Variants in GSR observed in about 807,000 individuals in gnomAD.
GSR encodes glutathione reductase, mitochondrial.
GSR carries 48 observed loss-of-function variants against 56.5 expected under a neutral mutation model. The observed-to-expected ratio is 0.85, with a 90% CI of 0.67 to 1.08. The LOEUF (loss-of-function observed/expected upper bound fraction) is 1.08, where lower values mean the gene tolerates loss of function less well. Ranked by LOEUF, GSR falls within the 50% of genes least tolerant of loss-of-function variation. GSR has a pLI of 0.00. For synonymous variants in GSR, 264 were observed against 270.8 expected (o/e 0.97, Z 0.25); for missense variants, 694 against 703.3 (o/e 0.99, Z 0.15).
At chr8:30,696,748 T>C (rs779004942) in intron 6 of GSR, among the ~76,000 whole-genome samples, 1 of 151,814 alleles carries the variant, frequency 6.6e-6, no homozygotes, top group East Asian at 1.9e-4. Context: ...CAGGCTGGAG[T>C]GTAGTGGTGT....
intron 6 of GSR, among the ~76,000 whole-genome samples, chr8:30,697,865 T>G (rs1803604193): frequency 6.6e-6 from 1 of 152,132 alleles, no homozygotes; most frequent in African/African-American, 2.4e-5. Flanking sequence ...ATTTTTGTAT[T>G]TTTTTTGCAG....
chr8:30,681,154 C>G, intron 11 of GSR, 117 bp from the exon 12 acceptor site: 1 of 843,880 alleles, frequency 1.2e-6, no homozygotes, highest in Non-Finnish European at 2.0e-6. Context: ...AAATATCAAA[C>G]CACGCCAAAA....
intron 4 of GSR, among the ~76,000 whole-genome samples, chr8:30,705,821 A>G (rs1038895735): frequency 4.6e-5 from 7 of 152,184 alleles, no homozygotes; most frequent in Non-Finnish European, 1.0e-4. Flanking sequence ...TCCTGTGCTT[A>G]AGGACTGCAG....
At chr8:30,681,236 G>A (rs577888235) in intron 11 of GSR, among the ~76,000 whole-genome samples, 199 bp from the exon 12 acceptor site, 1 of 152,218 alleles carries the variant, frequency 6.6e-6, no homozygotes, top group African/African-American at 2.4e-5. Context: ...TCTGCCTCTA[G>A]ATGAAAAGAA....
chr8:30,687,176 C>T (rs1167639745), intron 9 of GSR, among the ~76,000 whole-genome samples: 1 of 152,042 alleles, frequency 6.6e-6, no homozygotes, highest in African/African-American at 2.4e-5. Context: ...ATTAATTTTA[C>T]TAAATGTCAT....
intron 1 of GSR, 120 bp downstream of exon 1, chr8:30,727,410 G>A (rs1221631112): frequency 1.7e-5 from 17 of 989,398 alleles, no homozygotes; most frequent in East Asian, 3.1e-5. Context: ...AGTTGCGGGG[G>A]TGGAAAAGAG....
At chr8:30,699,957 A>C in intron 6 of GSR, 124 bp downstream of exon 6, 1 of 782,286 alleles carries the variant, frequency 1.3e-6, no homozygotes, top group Non-Finnish European at 2.4e-6. Context: ...ATGAAAAGAG[A>C]AGCTGTAAGA....
At chr8:30,723,691 C>T (rs987278764) in intron 1 of GSR, among the ~76,000 whole-genome samples, 1 of 151,608 alleles carries the variant, frequency 6.6e-6, no homozygotes, top group Non-Finnish European at 1.5e-5. Context: ...ACTTACGAGG[C>T]TGAGGCACAT....
In GSR at chr8:30,696,452, G is replaced by A. The variant is rs1468405019; in HGVS notation, c.723C>T (p.Tyr241=). The part of the protein sequence containing the change: ...PGRSVIVGAG[Y]IAVEMAGILS... ...GGATCCCTGCCATCTCCACAGCAAT[G>A]TAACCTGCACCAACAATGACGCTGC... The change falls in exon 7 of 13, where the codon TAC becomes TAT. Residue 241 remains tyrosine (Y), a synonymous_variant. Transcript: ENST00000221130. 3 of 1,613,034 alleles carry A rather than the reference G, an allele frequency of 1.9e-6. No individual in the cohort carries two copies. The highest frequency in any genetic ancestry group is 1.1e-5 in the South Asian group (1 of 91,066).
chr8:30,688,261 G>A (rs1473759165), intron 9 of GSR, among the ~76,000 whole-genome samples: 3 of 152,160 alleles, frequency 2.0e-5, no homozygotes, highest in Non-Finnish European at 1.5e-5. Flanking sequence ...CTGTAAGAGG[G>A]AGGCCAATAG....
chr8:30,681,837 A>G, intron 11 of GSR, 93 bp downstream of exon 11: 1 of 1,183,370 alleles, frequency 8.5e-7, no homozygotes, highest in African/African-American at 1.5e-5. Flanking sequence ...GGGCTGAGAT[A>G]GGTTTCATCA....
intron 9 of GSR, among the ~76,000 whole-genome samples, chr8:30,685,985 CAAAAAAAAAAAAA>C (rs71206274): frequency 1.6e-4 from 6 of 37,238 alleles, no homozygotes; most frequent in East Asian, 2.5e-3. Flanking sequence ...GACTCTGCCT[CAAAAAAAAAAAAA>C]AAAAAAAAAA....
chr8:30,680,381 GTTTTTTTTTT>G (rs34342136), intron 12 of GSR, among the ~76,000 whole-genome samples: 2 of 33,378 alleles, frequency 6.0e-5, no homozygotes. Flanking sequence ...GGCCTCTCCT[GTTTTTTTTTT>G]TTTTTTTTTT....
Position 30,693,104 on chromosome 8 carries a change from C to A in GSR, c.796-49G>T, listed in dbSNP as rs376203608. 8.0e-6 allele frequency: 9 copies of A among 1,120,914 alleles called. No homozygotes were observed. In the African/African-American group the frequency reaches 1.4e-4, roughly 17 times the overall value. The allele number at this position is 1,120,914 out of a possible 1,614,324, so 69.4% of individuals were successfully genotyped here. On this transcript the variant is annotated intron_variant, in intron 7 of 12. Coordinates refer to ENST00000221130, the MANE Select transcript of GSR (RefSeq NM_000637.5). ...TAATGCGAGAGGAAGAAAACTTGAG[C>A]AAAGACACACCACAAACTTGGGAGG... is the stretch of plus-strand genomic sequence containing the variant.
chr8:30,695,176 C>T (rs58105932), intron 7 of GSR, among the ~76,000 whole-genome samples: 7,776 of 152,144 alleles, frequency 0.051, 626 homozygotes, highest in African/African-American at 0.17. Flanking sequence ...GAATGTGGCC[C>T]AACACAAATT....
In GSR at chr8:30,683,938, T is replaced by C. The variant is rs569172305; in HGVS notation, c.1153+150A>G. ...CAGATAATGTCAGGTATCCAACCAATATCTATTTCAACACATTGTACCATT... is the reference window on the plus strand; with the variant it reads ...CAGATAATGTCAGGTATCCAACCAACATCTATTTCAACACATTGTACCATT... On this transcript the variant is annotated intron_variant, in intron 10 of 12. Coordinates refer to ENST00000221130, the MANE Select transcript of GSR (RefSeq NM_000637.5). 5 of 715,806 alleles carry C rather than the reference T, an allele frequency of 7.0e-6. No individual in the cohort carries two copies. The East Asian group carries it at 1.3e-4, about 19-fold the overall frequency. 44.3% of individuals were successfully genotyped at this position (715,806 alleles called of 1,614,324 possible). A position where few individuals can be genotyped will look rare whatever the true frequency, so the allele number is the denominator to read the frequency against.
At chr8:30,709,351 C>T (rs1368622021) in intron 3 of GSR, among the ~76,000 whole-genome samples, 3 of 152,148 alleles carry the variant, frequency 2.0e-5, no homozygotes, top group African/African-American at 7.2e-5. Flanking sequence ...GACAACAGAG[C>T]AAGACCCTGT....
chr8:30,684,727 A>G (rs1298399890), intron 9 of GSR, among the ~76,000 whole-genome samples: 1 of 152,048 alleles, frequency 6.6e-6, no homozygotes, highest in Non-Finnish European at 1.5e-5. Context: ...TGACTCAAGC[A>G]GTCACCAAAA....
At chr8:30,691,327 C>T (rs1221480630) in intron 8 of GSR, among the ~76,000 whole-genome samples, 1 of 151,798 alleles carries the variant, frequency 6.6e-6, no homozygotes, top group Non-Finnish European at 1.5e-5. Context: ...TGCACTCCAG[C>T]CTGGGTGACA....
Sources: gnomAD v4.1 joint callset for allele counts (sites outside exome capture counted in the v4.1 genomes callset) on GRCh38, gnomAD v4.1.1 for gene constraint, MANE v1.5 for transcripts, NCBI Gene and HGNC (gene_info 2026-07-23, HGNC 2026-07-21) for gene names.